Variants in PCDH11X observed in about 807,000 individuals in gnomAD.
PCDH11X encodes protocadherin-11 X-linked.
PCDH11X carries 18 observed loss-of-function variants against 53.3 expected under a neutral mutation model. The ratio of observed to expected loss-of-function variants is 0.34; its 90% CI spans 0.23 to 0.50. The LOEUF is 0.50. PCDH11X is among the 20% of genes least tolerant of loss of function. The probability of loss-of-function intolerance (pLI) is 0.98; values close to 1 mark genes in which losing one functional copy is unlikely to be tolerated. For missense variants in PCDH11X, 570 were observed against 1,032.4 expected (o/e 0.55, Z 6.14); for synonymous variants, 279 against 393.3 (o/e 0.71, Z 3.44).
intron 8 of PCDH11X, among the ~76,000 whole-genome samples, chrX:92,323,563 T>A (rs994985711): frequency 6.3e-5 from 7 of 110,712 alleles, no homozygotes; most frequent in African/African-American, 1.6e-4. Flanking sequence ...TCTTTTTTTT[T>A]AATTTAATTT....
At chrX:92,178,144 C>G (rs902630872) in intron 6 of PCDH11X, among the ~76,000 whole-genome samples, 8 of 111,275 alleles carry the variant, frequency 7.2e-5, no homozygotes, top group African/African-American at 2.6e-4. Context: ...AATTGGAAAT[C>G]TATTTCACGA....
chrX:92,002,695 C>T (rs778245311), intron 6 of PCDH11X, among the ~76,000 whole-genome samples: 2 of 107,304 alleles, frequency 1.9e-5, no homozygotes, highest in South Asian at 4.2e-4. Context: ...TTACATTGGT[C>T]ACTGTTGGTA....
chrX:92,277,661 A>C (rs1267636140), intron 8 of PCDH11X, among the ~76,000 whole-genome samples: 5 of 108,231 alleles, frequency 4.6e-5, no homozygotes, highest in Non-Finnish European at 9.6e-5. Context: ...GCACAGAAAT[A>C]AGGGGTCAGG....
intron 1 of PCDH11X, among the ~76,000 whole-genome samples, chrX:91,785,845 G>A (rs1332618693): frequency 9.0e-6 from 1 of 110,801 alleles, no homozygotes; most frequent in Non-Finnish European, 1.9e-5. Flanking sequence ...GTTATCTTTT[G>A]TTAGGAGAAA....
intron 10 of PCDH11X, among the ~76,000 whole-genome samples, chrX:92,531,928 T>A (rs1227824510): frequency 2.7e-5 from 3 of 111,548 alleles, no homozygotes; most frequent in Non-Finnish European, 5.7e-5. Context: ...GTTACTATAA[T>A]GTATTGGTGA....
At position 92,183,157 on chromosome X, in the gene PCDH11X, C is replaced by A. The variant is rs935926945; in HGVS notation, c.3034-18218C>A. ...CTGCTACCATTCTTGTCTAAGCCAT[C>A]ATCATTTTGCTCTTGGATTACTAGT... On this transcript the variant is annotated intron_variant, in intron 6 of 10. Transcript: ENST00000682573. Among the ~76,000 whole-genome samples, 3 of 110,480 alleles carry A rather than the reference C, an allele frequency of 2.7e-5. No individual in the cohort carries two copies. In the East Asian group the frequency reaches 8.6e-4, roughly 32 times the overall value.
At chrX:92,428,203 C>T (rs1366124090) in intron 9 of PCDH11X, among the ~76,000 whole-genome samples, 1 of 110,238 alleles carries the variant, frequency 9.1e-6, no homozygotes, top group Non-Finnish European at 1.9e-5. Flanking sequence ...ATTGATAGCA[C>T]GTATTAGCAT....
chrX:92,000,395 T>C (rs2062489917), intron 6 of PCDH11X, among the ~76,000 whole-genome samples: 1 of 110,733 alleles, frequency 9.0e-6, no homozygotes, highest in African/African-American at 3.3e-5. Flanking sequence ...TCTATTATAT[T>C]TAAAGTTATA....
At chrX:92,049,291 A>G (rs2063334351) in intron 6 of PCDH11X, among the ~76,000 whole-genome samples, 1 of 111,647 alleles carries the variant, frequency 9.0e-6, no homozygotes, top group Admixed American at 9.6e-5. Flanking sequence ...ATTTTGGGGT[A>G]AAACATTTTG....
chrX:91,871,960 C>T (rs1794695091), intron 5 of PCDH11X, among the ~76,000 whole-genome samples: 2 of 111,119 alleles, frequency 1.8e-5, no homozygotes, highest in Admixed American at 1.9e-4. Flanking sequence ...TGAATTGGCA[C>T]TTTTGTATAC....
chrX:92,272,753 GT>G (rs1046801501), intron 8 of PCDH11X, among the ~76,000 whole-genome samples: 7 of 112,160 alleles, frequency 6.2e-5, no homozygotes, highest in African/African-American at 2.3e-4. Context: ...TGGTTTCTGT[GT>G]GTCAAATCTA....
chrX:92,308,837 A>T (rs755963518), intron 8 of PCDH11X, among the ~76,000 whole-genome samples: 2 of 111,012 alleles, frequency 1.8e-5, no homozygotes, highest in African/African-American at 6.5e-5. Context: ...GACTTGAATA[A>T]GTTCTCCAAA....
At chrX:92,605,663 G>A (rs921368439) in intron 10 of PCDH11X, among the ~76,000 whole-genome samples, 29 of 111,456 alleles carry the variant, frequency 2.6e-4, no homozygotes, top group Non-Finnish European at 5.5e-4. Flanking sequence ...AAAATTGAGT[G>A]TATTTCTATA....
intron 6 of PCDH11X, among the ~76,000 whole-genome samples, chrX:91,927,038 G>C (rs1289392228): frequency 9.0e-6 from 1 of 110,823 alleles, no homozygotes; most frequent in African/African-American, 3.3e-5. Flanking sequence ...TTTAGCTTCT[G>C]CATCAAGAAT....
intron 6 of PCDH11X, among the ~76,000 whole-genome samples, chrX:91,890,209 A>G (rs1164854401): frequency 9.0e-6 from 1 of 111,534 alleles, no homozygotes; most frequent in Non-Finnish European, 1.9e-5. Flanking sequence ...GTGCATATTT[A>G]TGTTTGTCAA....
intron 4 of PCDH11X, among the ~76,000 whole-genome samples, chrX:91,823,657 G>T (rs1015754517): frequency 5.4e-5 from 6 of 111,311 alleles, no homozygotes; most frequent in Non-Finnish European, 9.4e-5. Flanking sequence ...TTTAATTGGA[G>T]CATTTAGTCC....
At chrX:92,287,845 T>C (rs1569455546) in intron 8 of PCDH11X, 2 of 460,133 alleles carry the variant, frequency 4.3e-6, no homozygotes, top group African/African-American at 5.0e-5. Context: ...GATTGGCTCA[T>C]GGGGGCATAT....
At chrX:91,871,456 A>G (rs1490785076) in intron 5 of PCDH11X, among the ~76,000 whole-genome samples, 1 of 105,244 alleles carries the variant, frequency 9.5e-6, no homozygotes, top group East Asian at 2.9e-4. Context: ...TTTTAGAACT[A>G]GATCTCTTTG....
At chrX:92,588,173 T>C (rs1305820298) in intron 10 of PCDH11X, among the ~76,000 whole-genome samples, 1 of 93,736 alleles carries the variant, frequency 1.1e-5, no homozygotes, top group Non-Finnish European at 2.1e-5. Flanking sequence ...TGAAAAATAG[T>C]TTTTAAGATA....
Sources: allele counts gnomAD v4.1 joint callset (sites outside exome capture counted in the v4.1 genomes callset), GRCh38; gene constraint gnomAD v4.1.1; transcripts MANE v1.5; gene names NCBI Gene and HGNC (gene_info 2026-07-23, HGNC 2026-07-21).